The following IQSEC2 variants were observed in gnomAD, a reference collection of about 807,000 sequenced individuals.
The protein encoded by IQSEC2 is IQ motif and Sec7 domain ArfGEF 2, also known as IQ motif and SEC7 domain-containing protein 2.
A neutral mutation model predicts 74.6 loss-of-function variants in IQSEC2; 6 were observed. The ratio of observed to expected loss-of-function variants is 0.08; its 90% CI spans 0.04 to 0.16. IQSEC2 has a LOEUF of 0.16. Ranked by LOEUF, IQSEC2 falls within the 10% of genes least tolerant of loss-of-function variation. The probability of loss-of-function intolerance (pLI) is 1.00; values close to 1 mark genes in which losing one functional copy is unlikely to be tolerated. For synonymous variants in IQSEC2, 494 were observed against 544.5 expected (o/e 0.91, Z 1.29); for missense variants, 734 against 1,306.2 (o/e 0.56, Z 6.75).
At chrX:53,283,572 G>A (rs781980016) in intron 2 of IQSEC2, among the ~76,000 whole-genome samples, 13 of 112,058 alleles carry the variant, frequency 1.2e-4, no homozygotes, top group Non-Finnish European at 2.3e-4. Flanking sequence ...GGATAGTGAG[G>A]AAGATTTCTA....
chrX:53,300,544 C>T (rs892860904), intron 1 of IQSEC2, among the ~76,000 whole-genome samples: 4 of 111,737 alleles, frequency 3.6e-5, no homozygotes, highest in African/African-American at 1.3e-4. Context: ...CGCTCTGTCT[C>T]ATTCCTGCTT....
At chrX:53,230,266 C>T (rs2074058737), downstream of IQSEC2, 1 of 112,745 alleles carries the variant, frequency 8.9e-6, no homozygotes, top group Non-Finnish European at 1.9e-5. Flanking sequence ...CCCAGGGCTT[C>T]CTTCTGGGCC....
intron 12 of IQSEC2, chrX:53,237,473 A>G (rs1556859993): frequency 1.8e-5 from 2 of 114,121 alleles, no homozygotes; most frequent in African/African-American, 3.3e-5. Context: ...TCTCCTTAAC[A>G]CCATGTTACT....
intron 1 of IQSEC2, among the ~76,000 whole-genome samples, chrX:53,309,558 G>A (rs782270442): frequency 9.0e-6 from 1 of 111,313 alleles, no homozygotes; most frequent in African/African-American, 3.3e-5. Context: ...GGCGGGTGAC[G>A]GGTTGGCCCC....
downstream of IQSEC2, among the ~76,000 whole-genome samples, chrX:53,232,092 G>A (rs909525300): frequency 9.0e-6 from 1 of 111,652 alleles, no homozygotes; most frequent in Non-Finnish European, 1.9e-5. Context: ...AATCAGTGAT[G>A]CTAGAAACAC....
At chrX:53,308,518 T>A (rs1312820815) in intron 1 of IQSEC2, among the ~76,000 whole-genome samples, 1 of 111,506 alleles carries the variant, frequency 9.0e-6, no homozygotes, top group East Asian at 2.8e-4. Flanking sequence ...GTAATTTTTA[T>A]AATCAATCTC....
chrX:53,263,192 C>T (rs1371144825), intron 2 of IQSEC2, among the ~76,000 whole-genome samples: 3 of 111,660 alleles, frequency 2.7e-5, no homozygotes, highest in Admixed American at 1.9e-4. Context: ...GGAAGCAACC[C>T]GGGAGGAAGC....
rs1556859206 is a variant in IQSEC2 at position 53,234,943 on chromosome X, C to T, written c.3743G>A (p.Gly1248Asp). The change falls in exon 15 of 15, where the codon GGC becomes GAC. Residue 1248 changes from glycine to aspartate, a missense_variant. Around this residue, in one of 12 missense-constraint regions of IQSEC2, gnomAD observed 249 missense variants for 467.9 expected, o/e 0.53. Transcript: ENST00000642864. ...THHHHHHHHH[G>D]HSHGGLGVLP... The stretch of plus-strand genomic sequence containing the variant: ...CACCCCCAGGCCACCGTGGCTATGG[C>T]CATGATGGTGGTGGTGGTGGTGGTG... 5.1e-6 allele frequency: 6 copies of T among 1,165,486 alleles called. No individual in the cohort carries two copies. Among genetic ancestry groups the T allele is most frequent in the Middle Eastern group, 2.4e-4 (1 of 4,133 alleles).
chrX:53,238,758 A>G (rs1253614681), intron 11 of IQSEC2, among the ~76,000 whole-genome samples: 1 of 107,880 alleles, frequency 9.3e-6, no homozygotes, highest in Non-Finnish European at 1.9e-5. Flanking sequence ...CCTTTGCCCC[A>G]AAGCCCTCAA....
chrX:53,296,658 T>C, intron 1 of IQSEC2, among the ~76,000 whole-genome samples: 1 of 110,937 alleles, frequency 9.0e-6, no homozygotes, highest in Non-Finnish European at 1.9e-5. Flanking sequence ...CCTCCCGGGT[T>C]CAAGCGATTC....
chrX:53,315,245 G>A, intron 1 of IQSEC2, among the ~76,000 whole-genome samples: 1 of 111,718 alleles, frequency 9.0e-6, no homozygotes, highest in Non-Finnish European at 1.9e-5. Flanking sequence ...ACAAAAATTA[G>A]TCGGGGGTGG....
chrX:53,295,810 T>G lies in IQSEC2; in HGVS notation c.708-3886A>C, dbSNP rs782047626. Among the ~76,000 whole-genome samples the G allele has an allele frequency of 9.1e-5, 10 of 110,013 alleles. No homozygotes were observed. In the South Asian group the frequency reaches 3.9e-3, roughly 43 times the overall value. ...TTCCTGCCATGCTCCAAGCCACCCA[T>G]AAGCAGTAACTGGGGAACAATATGG... On this transcript the variant is annotated intron_variant, in intron 1 of 14. Coordinates refer to ENST00000642864, the MANE Select transcript of IQSEC2 (RefSeq NM_001111125.3).
intron 13 of IQSEC2, among the ~76,000 whole-genome samples, 161 bp from the exon 14 acceptor site, chrX:53,235,993 A>G (rs1186783974): frequency 9.2e-6 from 1 of 109,215 alleles, no homozygotes; most frequent in Non-Finnish European, 1.9e-5. Context: ...GGAGAGGTGG[A>G]GAAGGAGGAG....
intron 2 of IQSEC2, chrX:53,267,134 G>T: frequency 9.0e-7 from 1 of 1,114,934 alleles, no homozygotes; most frequent in South Asian, 2.2e-5. Flanking sequence ...GCATTAGTTT[G>T]CAGAGCAGGG....
intron 2 of IQSEC2, among the ~76,000 whole-genome samples, chrX:53,283,505 G>A: frequency 8.9e-6 from 1 of 112,348 alleles, no homozygotes; most frequent in South Asian, 3.7e-4. Context: ...ACCTGAGAGA[G>A]TCTGTCCCTT....
intron 2 of IQSEC2, among the ~76,000 whole-genome samples, chrX:53,284,897 G>A (rs2075010491): frequency 8.9e-6 from 1 of 111,762 alleles, no homozygotes; most frequent in Admixed American, 9.5e-5. Flanking sequence ...ATTGTCACAT[G>A]GAAACTGTTA....
At chrX:53,316,013 T>A (rs782341925) in intron 1 of IQSEC2, among the ~76,000 whole-genome samples, 3 of 111,991 alleles carry the variant, frequency 2.7e-5, no homozygotes, top group Non-Finnish European at 5.6e-5. Context: ...TGATCCCTCC[T>A]TCCTCTGAGA....
Position 53,234,727 on chromosome X carries a change from C to A in IQSEC2, c.3959G>T (p.Arg1320Leu). ...GACTGGGCCATGGGCGTGGAAGTGG[C>A]GATGTGGCCCCACAGGTGGGGCTGA... ...PASAPPVGPHRHFHAHGPVPG... is the reference protein window; with the variant it reads ...PASAPPVGPHLHFHAHGPVPG... Residue 1320 changes from arginine to leucine, a missense_variant, in exon 15 of 15, where the codon CGC becomes CTC. Arg to Leu is a moderately radical substitution (Grantham distance 102, BLOSUM62 -2). Around this residue, in one of 12 missense-constraint regions of IQSEC2, gnomAD observed 249 missense variants for 467.9 expected, o/e 0.53. Transcript: ENST00000642864. The A allele has an allele frequency of 8.9e-7, 1 of 1,122,912 alleles. No homozygotes were observed. Among genetic ancestry groups the A allele is most frequent in the Non-Finnish European group, 1.2e-6 (1 of 851,689 alleles). The allele number at this position is 1,122,912 out of a possible 1,213,427, so 92.5% of individuals were successfully genotyped here.
At chrX:53,294,791 C>T (rs1556873852) in intron 1 of IQSEC2, among the ~76,000 whole-genome samples, 1 of 111,849 alleles carries the variant, frequency 8.9e-6, no homozygotes, top group African/African-American at 3.2e-5. Context: ...CCTGCTACTC[C>T]CCACAGCCTT....
Sources: allele counts gnomAD v4.1 joint callset (sites outside exome capture counted in the v4.1 genomes callset), GRCh38; gene constraint gnomAD v4.1.1; regional missense constraint gnomAD v4.1.1; transcripts MANE v1.5; gene names NCBI Gene and HGNC (gene_info 2026-07-23, HGNC 2026-07-21).